The following WDR49 variants were observed in gnomAD, a reference collection of about 807,000 sequenced individuals.
WDR49 encodes the protein WD repeat domain 49.
In WDR49, 107 loss-of-function variants were observed where a neutral mutation model predicts 119.5. The ratio of observed to expected loss-of-function variants is 0.90; its 90% CI spans 0.77 to 1.05. The LOEUF is 1.05. WDR49 is among the 50% of genes least tolerant of loss of function. WDR49 has a pLI of 0.00. For missense variants in WDR49, 1,240 were observed against 1,220.5 expected (o/e 1.02, Z -0.24); for synonymous variants, 425 against 418.8 (o/e 1.01, Z -0.18).
intron 3 of WDR49, among the ~76,000 whole-genome samples, chr3:167,623,247 GATCTATAC>G (rs1560319102): frequency 6.6e-6 from 1 of 151,966 alleles, no homozygotes; most frequent in Admixed American, 6.6e-5. Flanking sequence ...GAAAACTGCA[GATCTATAC>G]ATCTTACGAA....
intron 7 of WDR49, among the ~76,000 whole-genome samples, chr3:167,589,934 A>G (rs1289555214): frequency 6.6e-6 from 1 of 152,074 alleles, no homozygotes; most frequent in African/African-American, 2.4e-5. Flanking sequence ...TATTCTAGCT[A>G]GGACTTACAG....
At chr3:167,652,811 G>A (rs981819342) in intron 2 of WDR49, among the ~76,000 whole-genome samples, 1 of 152,116 alleles carries the variant, frequency 6.6e-6, no homozygotes, top group African/African-American at 2.4e-5. Context: ...TGCCACTTAG[G>A]GTGAGTGAGA....
At chr3:167,537,254 T>C (rs951673521) in intron 10 of WDR49, among the ~76,000 whole-genome samples, 6 of 152,138 alleles carry the variant, frequency 3.9e-5, no homozygotes, top group East Asian at 3.9e-4. Flanking sequence ...CAACAAACCA[T>C]GTAACAATTT....
chr3:167,509,668 C>G (rs943009671), intron 16 of WDR49, among the ~76,000 whole-genome samples: 13 of 152,218 alleles, frequency 8.5e-5, no homozygotes, highest in South Asian at 6.2e-4. Flanking sequence ...GCCTTTATGC[C>G]TTTTGACTCA....
intron 7 of WDR49, among the ~76,000 whole-genome samples, chr3:167,588,415 G>C (rs1714926442): frequency 6.6e-6 from 1 of 152,152 alleles, no homozygotes; most frequent in African/African-American, 2.4e-5. Context: ...AACAAACATG[G>C]AAGTGCAGAT....
intron 2 of WDR49, among the ~76,000 whole-genome samples, chr3:167,632,357 A>T (rs1717414599): frequency 6.6e-6 from 1 of 152,104 alleles, no homozygotes; most frequent in Non-Finnish European, 1.5e-5. Flanking sequence ...AATGAACTAC[A>T]TACTTTTCTA....
chr3:167,642,746 T>C lies in WDR49; in HGVS notation c.165+10515A>G, dbSNP rs554765686. Among the ~76,000 whole-genome samples, 6 of 152,088 alleles carry C rather than the reference T, an allele frequency of 3.9e-5. No individual in the cohort carries two copies. In the East Asian group the frequency reaches 1.2e-3, roughly 29 times the overall value. On this transcript the variant is annotated intron_variant, in intron 2 of 18. Transcript: ENST00000682715. ...TGGAGAAATGGCTGGTTCCAGGTCTTGGGCACATCATCTTGTGCCAGAAAG... is the reference window on the plus strand; with the variant it reads ...TGGAGAAATGGCTGGTTCCAGGTCTCGGGCACATCATCTTGTGCCAGAAAG...
intron 8 of WDR49, among the ~76,000 whole-genome samples, chr3:167,567,914 G>A (rs1039929956): frequency 6.6e-6 from 1 of 152,174 alleles, no homozygotes; most frequent in Non-Finnish European, 1.5e-5. Context: ...CCTTCATGTT[G>A]TACAGCCAAA....
chr3:167,506,478 G>T (rs543764931), intron 16 of WDR49, among the ~76,000 whole-genome samples: 1 of 152,196 alleles, frequency 6.6e-6, no homozygotes, highest in African/African-American at 2.4e-5. Context: ...CAAGTAAAAA[G>T]TCTGTGTATC....
intron 18 of WDR49, 117 bp from the exon 19 acceptor site, chr3:167,479,113 A>G (rs1750595948): frequency 1.3e-6 from 1 of 776,114 alleles, no homozygotes; most frequent in Non-Finnish European, 2.0e-6. Flanking sequence ...TTGTTTCTAA[A>G]ACACAGAGTG....
intron 7 of WDR49, among the ~76,000 whole-genome samples, chr3:167,588,724 G>T (rs1248039777): frequency 6.6e-6 from 1 of 151,922 alleles, no homozygotes; most frequent in Non-Finnish European, 1.5e-5. Context: ...ATGCCTGTTT[G>T]CCATTTGTCT....
intron 10 of WDR49, among the ~76,000 whole-genome samples, chr3:167,551,204 T>C (rs1235058301): frequency 6.6e-6 from 1 of 152,032 alleles, no homozygotes; most frequent in Non-Finnish European, 1.5e-5. Flanking sequence ...CTTTTATGTA[T>C]TGACCTGCCT....
chr3:167,487,719 C>A (rs1750979061), intron 18 of WDR49, among the ~76,000 whole-genome samples: 1 of 151,938 alleles, frequency 6.6e-6, no homozygotes, highest in Non-Finnish European at 1.5e-5. Flanking sequence ...GGGCAAAGAA[C>A]ATGAATGGAC....
rs1195597929 is a variant in WDR49 at position 167,653,449 on chromosome 3, G to A, written c.-24C>T. ...ATAATGGCTTCACCTTTTCTCAGTT[G>A]CCTTCAACTATTTCTATAAGGATGG... On this transcript the variant is annotated 5_prime_UTR_variant, in exon 2 of 19. Coordinates refer to ENST00000682715, the MANE Select transcript of WDR49 (RefSeq NM_001366157.1). 6.8e-7 allele frequency: 1 copy of A among 1,463,622 alleles called. No homozygotes were observed. The highest frequency in any genetic ancestry group is 9.0e-7 in the Non-Finnish European group (1 of 1,114,670). The allele number at this position is 1,463,622 out of a possible 1,614,324, so 90.7% of individuals were successfully genotyped here.
chr3:167,621,549 C>T lies in WDR49; in HGVS notation c.701G>A (p.Gly234Glu), dbSNP rs951479825. 1 of 1,535,478 alleles carries T rather than the reference C, an allele frequency of 6.5e-7. No homozygotes were observed. Among genetic ancestry groups the T allele is most frequent in the African/African-American group, 1.4e-5 (1 of 73,078 alleles). The change falls in exon 4 of 19, where the codon GGA becomes GAA. Residue 234 changes from glycine to glutamate, a missense_variant. By Grantham distance (98) the Gly-to-Glu change is moderately conservative. Coordinates refer to ENST00000682715, the MANE Select transcript of WDR49 (RefSeq NM_001366157.1). ...CCAATAATCCATGCAAATTGGTGTTCCTTTCAGGCCTTGGAGTTTGTATTG... is the reference window on the plus strand; with the variant it reads ...CCAATAATCCATGCAAATTGGTGTTTCTTTCAGGCCTTGGAGTTTGTATTG... The part of the protein sequence containing the change: ...ACQYKLQGLK[G>E]TPICMDYWYD...
rs73173030 is a variant in WDR49, at chr3:167,533,092, G to C, written c.1955-115C>G. On this transcript the variant is annotated intron_variant, in intron 11 of 18. Coordinates refer to ENST00000682715, the MANE Select transcript of WDR49 (RefSeq NM_001366157.1). ...TATCTTCCACAGAATATGGCACATA[G>C]TGGGCACTCTATATTTTTAGAAACA... The C allele has an allele frequency of 1.9e-3, 1,157 of 593,990 alleles. 2 individuals carry two copies. Among genetic ancestry groups the C allele is most frequent in the Non-Finnish European group, 2.8e-3 (969 of 349,194 alleles). 36.8% of individuals were successfully genotyped at this position (593,990 alleles called of 1,614,324 possible). A position where few individuals can be genotyped will look rare whatever the true frequency, so the allele number is the denominator to read the frequency against.
intron 16 of WDR49, among the ~76,000 whole-genome samples, chr3:167,513,527 T>A (rs1752072986): frequency 6.6e-6 from 1 of 152,116 alleles, no homozygotes; most frequent in South Asian, 2.1e-4. Flanking sequence ...CACAGACCAA[T>A]GACACCATGA....
At chr3:167,509,197 A>T (rs1751876971) in intron 16 of WDR49, among the ~76,000 whole-genome samples, 1 of 152,224 alleles carries the variant, frequency 6.6e-6, no homozygotes, top group East Asian at 1.9e-4. Context: ...GTCAGATAAT[A>T]AAAAATGGAG....
chr3:167,537,745 T>G (rs1711550821), intron 10 of WDR49, among the ~76,000 whole-genome samples: 1 of 152,084 alleles, frequency 6.6e-6, no homozygotes, highest in African/African-American at 2.4e-5. Context: ...ACCACCCTGT[T>G]TTCACTTGAT....
Sources: allele counts gnomAD v4.1 joint callset (sites outside exome capture counted in the v4.1 genomes callset), GRCh38; gene constraint gnomAD v4.1.1; transcripts MANE v1.5; gene names NCBI Gene and HGNC (gene_info 2026-07-23, HGNC 2026-07-21).